TOM1L2: variants seen among roughly 807,000 people sequenced by gnomAD.
TOM1L2 encodes target of myb1 like 2 membrane trafficking protein, also known as TOM1-like protein 2.
Under a neutral mutation model 67.9 loss-of-function variants are expected in TOM1L2, and 31 were observed. That is an observed-to-expected ratio of 0.46 (90% CI 0.34 to 0.62). TOM1L2 has a LOEUF of 0.62. Among genes scored for constraint, TOM1L2 ranks in the 20% least tolerant of loss-of-function variants. TOM1L2 has a pLI of 0.01. For synonymous variants in TOM1L2, 256 were observed against 254.0 expected (o/e 1.01, Z -0.07); for missense variants, 606 against 663.5 (o/e 0.91, Z 0.95).
intron 1 of TOM1L2, among the ~76,000 whole-genome samples, chr17:17,936,126 C>T (rs1407557700): frequency 6.6e-6 from 1 of 152,232 alleles, no homozygotes; most frequent in Non-Finnish European, 1.5e-5. Flanking sequence ...CCTCTGCAGC[C>T]CATCTCTCTC....
At chr17:17,956,519 C>G (rs1055611638) in intron 1 of TOM1L2, among the ~76,000 whole-genome samples, 5 of 152,204 alleles carry the variant, frequency 3.3e-5, no homozygotes, top group African/African-American at 1.2e-4. Flanking sequence ...CTTGGGCGGT[C>G]GATGGGACCG....
chr17:17,874,096 C>T (rs921000635), intron 7 of TOM1L2, among the ~76,000 whole-genome samples: 2 of 151,620 alleles, frequency 1.3e-5, no homozygotes, highest in African/African-American at 4.9e-5. Context: ...GCTGGGATTA[C>T]AGGTGCCTGC....
chr17:17,853,541 C>T (rs1267996856), intron 12 of TOM1L2, among the ~76,000 whole-genome samples: 1 of 152,246 alleles, frequency 6.6e-6, no homozygotes, highest in Admixed American at 6.5e-5. Flanking sequence ...AGAAATTCCT[C>T]ACCTCCTCAA....
chr17:17,964,333 C>A (rs1427606721), intron 1 of TOM1L2, among the ~76,000 whole-genome samples: 1 of 152,156 alleles, frequency 6.6e-6, no homozygotes, highest in Non-Finnish European at 1.5e-5. Flanking sequence ...CTCCTCTGGG[C>A]AATGTATTTA....
At chr17:17,934,372 G>A (rs772892360) in intron 1 of TOM1L2, among the ~76,000 whole-genome samples, 4 of 152,064 alleles carry the variant, frequency 2.6e-5, no homozygotes, top group African/African-American at 4.8e-5. Context: ...ACTTGAGCCC[G>A]GGGATCAAGG....
intron 12 of TOM1L2, chr17:17,857,927 C>CA: frequency 7.3e-7 from 1 of 1,369,280 alleles, no homozygotes; most frequent in Non-Finnish European, 1.0e-6. Flanking sequence ...ACAGAAAAGT[C>CA]ACTCTTCAGA....
At chr17:17,923,663 C>T (rs2039970798) in intron 1 of TOM1L2, among the ~76,000 whole-genome samples, 1 of 150,908 alleles carries the variant, frequency 6.6e-6, no homozygotes, top group Admixed American at 6.6e-5. Flanking sequence ...GCACTCCAGC[C>T]TGGGCAAGAG....
At chr17:17,919,869 C>G (rs140644692) in intron 1 of TOM1L2, among the ~76,000 whole-genome samples, 1 of 152,172 alleles carries the variant, frequency 6.6e-6, no homozygotes, top group South Asian at 2.1e-4. Context: ...ACGCCCCAGC[C>G]GCCAGGAAGG....
At chr17:17,910,106 C>T (rs1438617359) in intron 1 of TOM1L2, among the ~76,000 whole-genome samples, 2 of 152,142 alleles carry the variant, frequency 1.3e-5, no homozygotes, top group African/African-American at 4.8e-5. Flanking sequence ...CCAAAAAAGA[C>T]AGAAAAATTA....
intron 1 of TOM1L2, among the ~76,000 whole-genome samples, chr17:17,912,021 C>T (rs9674691): frequency 0.45 from 59,948 of 133,814 alleles, 9,631 homozygotes; most frequent in East Asian, 0.71. Context: ...TTTCTTAGTA[C>T]AGAACAAAAT....
chr17:17,883,013 A>T, intron 5 of TOM1L2, 150 bp from the exon 6 acceptor site: 1 of 900,772 alleles, frequency 1.1e-6, no homozygotes, highest in Non-Finnish European at 1.7e-6. Flanking sequence ...GGTTCACAGA[A>T]CCCCACTGAG....
At chr17:17,876,735 G>A (rs573895744) in intron 7 of TOM1L2, among the ~76,000 whole-genome samples, 1 of 152,338 alleles carries the variant, frequency 6.6e-6, no homozygotes, top group South Asian at 2.1e-4. Flanking sequence ...GCTCATCAGT[G>A]GGAGGGCAAG....
Position 17,894,975 on chromosome 17 carries a change from A to ACATACATACATGCATG in TOM1L2, c.217-1166_217-1165insCATGCATGTATGTATG, listed in dbSNP as rs1555598776. Among the ~76,000 whole-genome samples, 370 of 147,776 alleles carry ACATACATACATGCATG rather than the reference A, an allele frequency of 2.5e-3. 3 individuals carry two copies. The highest frequency in any genetic ancestry group is 5.6e-3 in the African/African-American group (222 of 39,746). ...TACATACATACATACATACATACAT[A>ACATACATACATGCATG]CATGCATGCATGCATGCATAAAATA... On this transcript the variant is annotated intron_variant, in intron 3 of 14. Transcript: ENST00000379504.
At chr17:17,967,750 CGCGCGTGCCACCAT>C (rs1242852846) in intron 1 of TOM1L2, among the ~76,000 whole-genome samples, 14 of 151,996 alleles carry the variant, frequency 9.2e-5, no homozygotes, top group Admixed American at 2.0e-4. Context: ...TGGGATTATA[CGCGCGTGCCACCAT>C]GCCCAGCTAA....
At chr17:17,917,417 G>A (rs190728659) in intron 1 of TOM1L2, among the ~76,000 whole-genome samples, 1 of 143,928 alleles carries the variant, frequency 6.9e-6, no homozygotes, top group Non-Finnish European at 1.5e-5. Flanking sequence ...TTTTAGGATG[G>A]ATTTTTCTAT....
chr17:17,857,930 T>C lies in TOM1L2; in HGVS notation c.1278+3546A>G, dbSNP rs1356482649. 4 of 1,321,682 alleles carry C rather than the reference T, an allele frequency of 3.0e-6. No homozygotes were observed. The Admixed American group carries it at 7.9e-5, about 26-fold the overall frequency. The allele number at this position is 1,321,682 out of a possible 1,614,324, so 81.9% of individuals were successfully genotyped here. ...CATATTGTGGAAACAGAAAAGTCAC[T>C]CTTCAGACGTGATCCTTTGCCACGT... is the stretch of plus-strand genomic sequence containing the variant. On this transcript the variant is annotated intron_variant, in intron 12 of 14. Coordinates refer to ENST00000379504, the MANE Select transcript of TOM1L2 (RefSeq NM_001082968.2).
chr17:17,923,355 C>T (rs1222505621), intron 1 of TOM1L2, among the ~76,000 whole-genome samples: 1 of 152,046 alleles, frequency 6.6e-6, no homozygotes, highest in Non-Finnish European at 1.5e-5. Flanking sequence ...GAGCCGAGAT[C>T]GCGCCACTGC....
chr17:17,957,101 C>T (rs2041490107), intron 1 of TOM1L2, among the ~76,000 whole-genome samples: 1 of 152,220 alleles, frequency 6.6e-6, no homozygotes, highest in Non-Finnish European at 1.5e-5. Context: ...GCCTCAGCCT[C>T]CAAAGTAGCT....
At position 17,896,899 on chromosome 17, in the gene TOM1L2, G is replaced by A. The variant is rs574898892; in HGVS notation, c.216+1697C>T. Among the ~76,000 whole-genome samples the A allele has an allele frequency of 5.9e-5, 9 of 152,296 alleles. No individual in the cohort carries two copies. The South Asian group carries it at 1.7e-3, about 28-fold the overall frequency. On this transcript the variant is annotated intron_variant, in intron 3 of 14. Coordinates refer to ENST00000379504, the MANE Select transcript of TOM1L2 (RefSeq NM_001082968.2). The stretch of plus-strand genomic sequence containing the variant: ...ACTGAAAGTGACTAAGAGAGTAAGT[G>A]AAGCCCTATCAGCAGACGTGAGACC...
Sources: allele counts gnomAD v4.1 joint callset (sites outside exome capture counted in the v4.1 genomes callset), GRCh38; gene constraint gnomAD v4.1.1; transcripts MANE v1.5; gene names NCBI Gene and HGNC (gene_info 2026-07-23, HGNC 2026-07-21).